Variants in UNC5C observed in about 807,000 individuals in gnomAD.
UNC5C encodes netrin receptor UNC5C.
In UNC5C, 47 loss-of-function variants were observed where a neutral mutation model predicts 99.8. That is an observed-to-expected ratio of 0.47 (90% CI 0.37 to 0.60). The LOEUF (loss-of-function observed/expected upper bound fraction) is 0.60, where lower values mean the gene tolerates loss of function less well. UNC5C is among the 20% of genes least tolerant of loss of function. The pLI is 0.00. For missense variants in UNC5C, 1,062 were observed against 1,165.9 expected (o/e 0.91, Z 1.30); for synonymous variants, 487 against 452.2 (o/e 1.08, Z -0.98).
chr4:95,468,625 T>C (rs902891980), intron 1 of UNC5C, among the ~76,000 whole-genome samples: 2 of 152,172 alleles, frequency 1.3e-5, no homozygotes, highest in Non-Finnish European at 2.9e-5. Flanking sequence ...GCATATTCAA[T>C]GGTGTAATTC....
chr4:95,205,102 T>C (rs1165024317), intron 11 of UNC5C, among the ~76,000 whole-genome samples: 1 of 152,128 alleles, frequency 6.6e-6, no homozygotes, highest in African/African-American at 2.4e-5. Context: ...CTAGAAGACA[T>C]GGCCAAAGAG....
At chr4:95,258,081 C>G (rs182061629) in intron 4 of UNC5C, among the ~76,000 whole-genome samples, 4 of 152,294 alleles carry the variant, frequency 2.6e-5, no homozygotes, top group African/African-American at 9.6e-5. Flanking sequence ...CACTACTAAA[C>G]TAACATTCTT....
intron 1 of UNC5C, among the ~76,000 whole-genome samples, chr4:95,407,086 A>G (rs1192013202): frequency 6.6e-6 from 1 of 152,200 alleles, no homozygotes; most frequent in Non-Finnish European, 1.5e-5. Context: ...TACAAACACT[A>G]GAACAAAGAG....
chr4:95,221,743 G>A (rs1738474264), intron 7 of UNC5C, among the ~76,000 whole-genome samples: 1 of 152,178 alleles, frequency 6.6e-6, no homozygotes, highest in African/African-American at 2.4e-5. Context: ...TGCTTTCAAA[G>A]TACTTACTTC....
intron 5 of UNC5C, among the ~76,000 whole-genome samples, chr4:95,247,667 A>G (rs888745208): frequency 5.9e-5 from 9 of 152,190 alleles, no homozygotes; most frequent in African/African-American, 2.2e-4. Flanking sequence ...ATGACCCAAT[A>G]TTCCTGACCC....
chr4:95,509,859 T>C (rs1722022259), intron 1 of UNC5C, among the ~76,000 whole-genome samples: 1 of 151,928 alleles, frequency 6.6e-6, no homozygotes, highest in Admixed American at 6.6e-5. Flanking sequence ...ATATAAATTG[T>C]CAGTAGTTTC....
chr4:95,503,791 C>T (rs973188614), intron 1 of UNC5C, among the ~76,000 whole-genome samples: 6 of 152,126 alleles, frequency 3.9e-5, no homozygotes, highest in Non-Finnish European at 8.8e-5. Context: ...CCCCTCATCA[C>T]TCCTCCAAAT....
intron 1 of UNC5C, among the ~76,000 whole-genome samples, chr4:95,527,477 CTT>C (rs1722528739): frequency 6.6e-6 from 1 of 152,042 alleles, no homozygotes; most frequent in Non-Finnish European, 1.5e-5. Flanking sequence ...GCTGTGCAAA[CTT>C]GAGTTTTTTT....
intron 7 of UNC5C, among the ~76,000 whole-genome samples, chr4:95,239,057 G>T (rs984158663): frequency 6.6e-6 from 1 of 152,014 alleles, no homozygotes; most frequent in African/African-American, 2.4e-5. Context: ...ATTTATTATT[G>T]CTGACTCTCC....
At chr4:95,316,758 T>C (rs1282002495) in intron 2 of UNC5C, among the ~76,000 whole-genome samples, 1 of 152,140 alleles carries the variant, frequency 6.6e-6, no homozygotes, top group East Asian at 1.9e-4. Context: ...TAGATTTTTG[T>C]CCCCTGTACA....
At position 95,301,182 on chromosome 4, in the gene UNC5C, GTT is replaced by G. The variant is rs113646496; in HGVS notation, c.490+422_490+423del. Among the ~76,000 whole-genome samples, 495 of 145,448 alleles carry G rather than the reference GTT, an allele frequency of 3.4e-3. 5 individuals are homozygous for G. Among genetic ancestry groups the G allele is most frequent in the African/African-American group, 0.012 (473 of 39,860 alleles). On this transcript the variant is annotated intron_variant, in intron 3 of 15. Coordinates refer to ENST00000453304, the MANE Select transcript of UNC5C (RefSeq NM_003728.4). ...GCTCAAATGCAGAAATCTGGGAGCA[GTT>G]TTTTTCCAGGATTTTTTTTTTTTTT...
intron 4 of UNC5C, among the ~76,000 whole-genome samples, chr4:95,265,863 G>T (rs1256063125): frequency 1.3e-5 from 2 of 152,138 alleles, no homozygotes; most frequent in African/African-American, 2.4e-5. Flanking sequence ...AATGGAGGGT[G>T]CATCCCTCCT....
rs1009960929 is a variant in UNC5C, at chr4:95,271,354, C to A, written c.594+6905G>T. Among the ~76,000 whole-genome samples, 8 of 152,142 alleles carry A rather than the reference C, an allele frequency of 5.3e-5. 1 individual carries two copies. The highest frequency in any genetic ancestry group is 2.1e-4 in the South Asian group (1 of 4,824). On this transcript the variant is annotated intron_variant, in intron 4 of 15. Transcript: ENST00000453304. Reference sequence around the variant, plus strand: ...GCCATTCTCCTGCCTCAGCCTCCCGCGTAGCTGGGACTACAGGCGCCCGCC... The same window carrying A: ...GCCATTCTCCTGCCTCAGCCTCCCGAGTAGCTGGGACTACAGGCGCCCGCC...
At chr4:95,315,307 C>A (rs1742433179) in intron 2 of UNC5C, among the ~76,000 whole-genome samples, 1 of 152,150 alleles carries the variant, frequency 6.6e-6, no homozygotes, top group African/African-American at 2.4e-5. Flanking sequence ...ATTGTCATAA[C>A]AATCTTAGGA....
rs1160105752 is a variant in UNC5C, at chr4:95,170,295, G to A, written c.2489C>T (p.Ala830Val). The A allele has an allele frequency of 9.3e-6, 15 of 1,614,132 alleles. No homozygotes were observed. Among genetic ancestry groups the A allele is most frequent in the Non-Finnish European group, 1.3e-5 (15 of 1,180,006 alleles). ...CCCCGTGACCGTGGTGATGGTGTTC[G>A]CAGGATCCAGCAGCGGCAAATCGAT... is the stretch of plus-strand genomic sequence containing the variant. The part of the protein sequence containing the change: ...TGIDLPLLDP[A>V]NTITTVTGPS... Residue 830 changes from alanine (A) to valine (V), a missense_variant, in exon 15 of 16, where the codon GCG becomes GTG. Physicochemically the swap from Ala to Val is moderately conservative, Grantham distance 64. Around this residue, in one of 3 missense-constraint regions of UNC5C, gnomAD observed 810 missense variants for 854.5 expected, o/e 0.95. Coordinates refer to ENST00000453304, the MANE Select transcript of UNC5C (RefSeq NM_003728.4).
At chr4:95,183,880 T>G (rs368334343) in intron 13 of UNC5C, among the ~76,000 whole-genome samples, 3 of 152,216 alleles carry the variant, frequency 2.0e-5, no homozygotes, top group South Asian at 4.1e-4. Flanking sequence ...ACAAAGAGCT[T>G]CTCATTCGTA....
chr4:95,170,480 C>T (rs948571320), intron 14 of UNC5C, 148 bp from the exon 15 acceptor site: 10 of 1,004,644 alleles, frequency 1.0e-5, no homozygotes, highest in Non-Finnish European at 1.4e-5. Flanking sequence ...TCTTCTTAGC[C>T]TGAAAGTTGT....
chr4:95,231,192 C>CA (rs990088027), intron 7 of UNC5C, among the ~76,000 whole-genome samples: 1 of 151,820 alleles, frequency 6.6e-6, no homozygotes, highest in Non-Finnish European at 1.5e-5. Flanking sequence ...GATACTTGGC[C>CA]AAAAAAGAGA....
At chr4:95,192,837 C>T (rs1221286078) in intron 12 of UNC5C, among the ~76,000 whole-genome samples, 1 of 152,148 alleles carries the variant, frequency 6.6e-6, no homozygotes, top group Non-Finnish European at 1.5e-5. Flanking sequence ...TGTGTTATGC[C>T]TTCCAGTTTT....
Sources: allele counts gnomAD v4.1 joint callset (sites outside exome capture counted in the v4.1 genomes callset), GRCh38; gene constraint gnomAD v4.1.1; regional missense constraint gnomAD v4.1.1; transcripts MANE v1.5; gene names NCBI Gene and HGNC (gene_info 2026-07-23, HGNC 2026-07-21).